The following PAX5 variants were observed in gnomAD, a reference collection of about 807,000 sequenced individuals.
PAX5 encodes the protein paired box 5, also known as paired box protein Pax-5.
PAX5 carries 9 observed loss-of-function variants against 43.7 expected under a neutral mutation model. The ratio of observed to expected loss-of-function variants is 0.21; its 90% CI spans 0.12 to 0.36. The LOEUF (loss-of-function observed/expected upper bound fraction) is 0.36, where lower values mean the gene tolerates loss of function less well. Ranked by LOEUF, PAX5 falls within the 10% of genes least tolerant of loss-of-function variation. The pLI is 1.00. For synonymous variants in PAX5, 228 were observed against 214.3 expected (o/e 1.06, Z -0.56); for missense variants, 383 against 532.7 (o/e 0.72, Z 2.77).
At chr9:37,003,169 A>AACAAAAACC in intron 4 of PAX5, among the ~76,000 whole-genome samples, 1 of 149,466 alleles carries the variant, frequency 6.7e-6, no homozygotes, top group Admixed American at 6.6e-5. Flanking sequence ...AAAAAAAAAA[A>AACAAAAACC]AAAAAAAAAA....
chr9:36,912,806 A>G (rs1450163012), intron 7 of PAX5, among the ~76,000 whole-genome samples: 1 of 152,166 alleles, frequency 6.6e-6, no homozygotes, highest in East Asian at 1.9e-4. Context: ...ATACACTCAG[A>G]CACCCCTTCG....
chr9:36,906,095 G>A (rs1269415566), intron 7 of PAX5, among the ~76,000 whole-genome samples: 1 of 152,108 alleles, frequency 6.6e-6, no homozygotes, highest in Non-Finnish European at 1.5e-5. Flanking sequence ...CAGGACACAC[G>A]GTGCTCAAGG....
chr9:36,984,858 C>T (rs1445999135), intron 5 of PAX5, among the ~76,000 whole-genome samples: 3 of 152,210 alleles, frequency 2.0e-5, no homozygotes, highest in Admixed American at 2.0e-4. Flanking sequence ...CAGCCTTGTA[C>T]AGCTGAGGGT....
At chr9:37,004,767 C>T (rs1462818324) in intron 4 of PAX5, among the ~76,000 whole-genome samples, 1 of 152,220 alleles carries the variant, frequency 6.6e-6, no homozygotes, top group Non-Finnish European at 1.5e-5. Flanking sequence ...ATAACCAAAG[C>T]TCACCATGTT....
At chr9:36,866,967 A>G (rs1824945658) in intron 8 of PAX5, among the ~76,000 whole-genome samples, 1 of 148,816 alleles carries the variant, frequency 6.7e-6, no homozygotes, top group Non-Finnish European at 1.5e-5. Flanking sequence ...GCCAAAGGCA[A>G]GGCCCTCGGC....
intron 6 of PAX5, among the ~76,000 whole-genome samples, chr9:36,940,063 G>A (rs989036931): frequency 6.6e-6 from 1 of 152,210 alleles, no homozygotes; most frequent in Admixed American, 6.5e-5. Context: ...ATTGCCCGGC[G>A]CTGCCTTCCT....
chr9:36,990,000 T>G (rs7855299), intron 5 of PAX5, among the ~76,000 whole-genome samples: 77,489 of 151,728 alleles, frequency 0.51, 20,308 homozygotes, highest in East Asian at 0.67. Context: ...TGTGTGCTGG[T>G]GGGGAGTTGG....
At chr9:36,903,223 G>A (rs894615328) in intron 7 of PAX5, among the ~76,000 whole-genome samples, 1 of 152,230 alleles carries the variant, frequency 6.6e-6, no homozygotes, top group Non-Finnish European at 1.5e-5. Flanking sequence ...GAAGGAGGAA[G>A]AAAGTCTGTT....
chr9:37,013,309 C>T (rs537897956), intron 3 of PAX5, among the ~76,000 whole-genome samples: 1 of 152,266 alleles, frequency 6.6e-6, no homozygotes, highest in South Asian at 2.1e-4. Context: ...TCCCCATCGT[C>T]TTTTGCCTGG....
At chr9:36,846,769 C>G in intron 9 of PAX5, 74 bp downstream of exon 9, 1 of 1,062,958 alleles carries the variant, frequency 9.4e-7, no homozygotes, top group Non-Finnish European at 1.4e-6. Flanking sequence ...TGTCGAGGGA[C>G]CCAGGCCAGT....
intron 6 of PAX5, among the ~76,000 whole-genome samples, chr9:36,945,395 C>T (rs1404857445): frequency 1.3e-5 from 2 of 152,158 alleles, no homozygotes; most frequent in African/African-American, 4.8e-5. Flanking sequence ...GCATGAGCCA[C>T]CATGCCCAGC....
chr9:36,934,188 G>T (rs1274011103), intron 6 of PAX5, among the ~76,000 whole-genome samples: 2 of 152,196 alleles, frequency 1.3e-5, no homozygotes, highest in Non-Finnish European at 2.9e-5. Context: ...ACTAGGCCAG[G>T]CACCTCTCAC....
intron 1 of PAX5, among the ~76,000 whole-genome samples, chr9:37,024,401 C>G (rs1025143336): frequency 6.6e-6 from 1 of 152,110 alleles, no homozygotes; most frequent in Non-Finnish European, 1.5e-5. Flanking sequence ...GGAGCGGTAA[C>G]AGGAAGAAGA....
rs142678634 is a variant in PAX5 at position 37,010,913 on chromosome 9, G to A, written c.410+4084C>T. On this transcript the variant is annotated intron_variant, in intron 3 of 9. Coordinates refer to ENST00000358127, the MANE Select transcript of PAX5 (RefSeq NM_016734.3). The stretch of plus-strand genomic sequence containing the variant: ...ATGTGAGTGGATCACTTGAGTCCAG[G>A]AGTTCGAGACCACCCTGGGCAACAC... Among the ~76,000 whole-genome samples the A allele has an allele frequency of 2.4e-3, 364 of 152,222 alleles. 5 individuals are homozygous for A. In the South Asian group the frequency reaches 0.026, roughly 11 times the overall value.
chr9:36,892,631 C>T (rs368019774), intron 7 of PAX5, among the ~76,000 whole-genome samples: 8 of 152,190 alleles, frequency 5.3e-5, no homozygotes, highest in African/African-American at 1.9e-4. Flanking sequence ...TGCACGCTCC[C>T]CTGTGACCAG....
intron 6 of PAX5, among the ~76,000 whole-genome samples, chr9:36,965,850 A>T (rs1206357565): frequency 6.6e-6 from 1 of 152,148 alleles, no homozygotes; most frequent in Admixed American, 6.5e-5. Context: ...ACTGAATCTG[A>T]TAGTCCAGAG....
At chr9:37,021,262 CTT>C (rs975976194) in intron 1 of PAX5, among the ~76,000 whole-genome samples, 1 of 152,128 alleles carries the variant, frequency 6.6e-6, no homozygotes, top group African/African-American at 2.4e-5. Context: ...CTCCAATAAA[CTT>C]ATATCTCAGG....
chr9:36,844,702 T>C (rs148078374), intron 9 of PAX5, among the ~76,000 whole-genome samples: 134 of 152,230 alleles, frequency 8.8e-4, no homozygotes, highest in African/African-American at 3.0e-3. Flanking sequence ...AGCCTAACAA[T>C]TGGGGCTGTG....
At chr9:37,031,671 A>G (rs1419982133) in intron 1 of PAX5, among the ~76,000 whole-genome samples, 2 of 151,836 alleles carry the variant, frequency 1.3e-5, no homozygotes, top group Non-Finnish European at 2.9e-5. Context: ...ATCTCGAACA[A>G]GTCCCTTCCC....
Sources: gnomAD v4.1 joint callset for allele counts (sites outside exome capture counted in the v4.1 genomes callset) on GRCh38, gnomAD v4.1.1 for gene constraint, MANE v1.5 for transcripts, NCBI Gene and HGNC (gene_info 2026-07-23, HGNC 2026-07-21) for gene names.